Variants in PGM2 observed in about 807,000 individuals in gnomAD.
PGM2 encodes the protein phosphopentomutase.
In PGM2, 57 loss-of-function variants were observed where a neutral mutation model predicts 74.6. The ratio of observed to expected loss-of-function variants is 0.76; its 90% CI spans 0.62 to 0.95. The LOEUF (loss-of-function observed/expected upper bound fraction) is 0.95, where lower values mean the gene tolerates loss of function less well. Ranked by LOEUF, PGM2 falls within the 40% of genes least tolerant of loss-of-function variation. The probability of loss-of-function intolerance (pLI) is 0.00; values close to 1 mark genes in which losing one functional copy is unlikely to be tolerated. For missense variants in PGM2, 706 were observed against 741.9 expected (o/e 0.95, Z 0.56); for synonymous variants, 273 against 260.7 (o/e 1.05, Z -0.46).
intron 12 of PGM2, among the ~76,000 whole-genome samples, chr4:37,852,133 CTTTTTTT>C (rs778968323): frequency 6.3e-5 from 3 of 47,258 alleles, no homozygotes; most frequent in South Asian, 8.5e-4. Flanking sequence ...ATGCCCAGCT[CTTTTTTT>C]TTTTTTTTTT....
chr4:37,857,500 C>T (rs1711564889), intron 13 of PGM2, among the ~76,000 whole-genome samples: 1 of 152,108 alleles, frequency 6.6e-6, no homozygotes, highest in African/African-American at 2.4e-5. Flanking sequence ...AATATTAAAA[C>T]AAAACAAAAC....
At chr4:37,850,573 GGCAA>G (rs1726013526) in intron 12 of PGM2, among the ~76,000 whole-genome samples, 200 bp downstream of exon 12, 1 of 152,144 alleles carries the variant, frequency 6.6e-6, no homozygotes, top group African/African-American at 2.4e-5. Context: ...GGTTGAGGTG[GGCAA>G]ATCACTTGAG....
In PGM2 at chr4:37,850,166, T is replaced by C; in HGVS notation, c.1413-18T>C. 1 of 1,419,916 alleles carries C rather than the reference T, an allele frequency of 7.0e-7. No individual in the cohort carries two copies. The highest frequency in any genetic ancestry group is 1.3e-5 in the South Asian group (1 of 77,682). 88.0% of individuals were successfully genotyped at this position (1,419,916 alleles called of 1,614,324 possible). On this transcript the variant is annotated intron_variant, in intron 11 of 13. Transcript: ENST00000381967. Reference sequence around the variant, plus strand: ...ATTATTTGTTCCTCATGTGCATGAATTTGTATTTGTTTGATAGGTATGGCT... The same window carrying C: ...ATTATTTGTTCCTCATGTGCATGAACTTGTATTTGTTTGATAGGTATGGCT...
At position 37,848,503 on chromosome 4, in the gene PGM2, AT is replaced by A. The variant is rs1725938935; in HGVS notation, c.1283-18del. On this transcript the variant is annotated intron_variant, in intron 10 of 13. Coordinates refer to ENST00000381967, the MANE Select transcript of PGM2 (RefSeq NM_018290.4). Reference sequence around the variant, plus strand: ...GACACAGTATTGTATAGATGTATGTATGACGTGTGTTTCTGCAGGATACATG... The same window carrying A: ...GACACAGTATTGTATAGATGTATGTAGACGTGTGTTTCTGCAGGATACATG... 1.6e-5 allele frequency: 25 copies of A among 1,607,616 alleles called. No homozygotes were observed. Among genetic ancestry groups the A allele is most frequent in the Non-Finnish European group, 2.1e-5 (25 of 1,175,396 alleles).
intron 12 of PGM2, among the ~76,000 whole-genome samples, chr4:37,851,428 G>C (rs1726036365): frequency 6.6e-6 from 1 of 152,200 alleles, no homozygotes; most frequent in African/African-American, 2.4e-5. Context: ...ACACCAAGCA[G>C]ATCTTTCACT....
At chr4:37,828,895 G>C (rs1725365696) in intron 1 of PGM2, among the ~76,000 whole-genome samples, 1 of 152,152 alleles carries the variant, frequency 6.6e-6, no homozygotes, top group African/African-American at 2.4e-5. Flanking sequence ...AGCATCTGCT[G>C]TTTTTCACCA....
intron 3 of PGM2, among the ~76,000 whole-genome samples, chr4:37,836,861 G>GT (rs1233784329): frequency 1.2e-5 from 1 of 84,902 alleles, no homozygotes; most frequent in African/African-American, 5.5e-5. Flanking sequence ...ATATGTGTAT[G>GT]GGTGTGTGTG....
chr4:37,844,673 A>C (rs1725818438), intron 7 of PGM2, 120 bp downstream of exon 7: 3 of 675,710 alleles, frequency 4.4e-6, no homozygotes, highest in African/African-American at 3.6e-5. Context: ...TCAGCATGGA[A>C]ATATGTATGT....
chr4:37,855,181 A>G (rs148159794), intron 12 of PGM2, among the ~76,000 whole-genome samples: 373 of 152,158 alleles, frequency 2.5e-3, no homozygotes, highest in African/African-American at 8.2e-3. Flanking sequence ...CATCTCCCCA[A>G]ACTCCCCTCC....
rs1444741825 is a variant in PGM2, at chr4:37,862,304, A to G, written c.*692A>G. ...CATCTTTTTAAATCTTGAAAAACCA[A>G]TTGTTTACTTGAAACTTGAAAGTAG... On this transcript the variant is annotated 3_prime_UTR_variant, in exon 14 of 14. Coordinates refer to ENST00000381967, the MANE Select transcript of PGM2 (RefSeq NM_018290.4). 2.6e-5 allele frequency: 4 copies of G among 152,098 alleles called. No individual in the cohort carries two copies. The highest frequency in any genetic ancestry group is 1.3e-4 in the Admixed American group (2 of 15,252). 9.4% of individuals were successfully genotyped at this position (152,098 alleles called of 1,614,324 possible).
intron 11 of PGM2, among the ~76,000 whole-genome samples, chr4:37,848,870 G>A (rs1005289563): frequency 1.3e-5 from 2 of 152,128 alleles, no homozygotes; most frequent in African/African-American, 4.8e-5. Context: ...AGGAGTTCGA[G>A]ACCAGCCTGT....
chr4:37,850,772 C>G (rs747658482), intron 12 of PGM2, among the ~76,000 whole-genome samples: 1 of 152,086 alleles, frequency 6.6e-6, no homozygotes, highest in African/African-American at 2.4e-5. Context: ...AGGTGGATCA[C>G]TTGAGGTCAG....
In PGM2 at chr4:37,840,185, T is replaced by C; in HGVS notation, c.645T>C (p.Ser215=). The C allele has an allele frequency of 6.2e-7, 1 of 1,612,772 alleles. No individual in the cohort carries two copies. Among genetic ancestry groups the C allele is most frequent in the Non-Finnish European group, 8.5e-7 (1 of 1,178,746 alleles). Residue 215 remains serine, a synonymous_variant, in exon 6 of 14, where the codon AGT becomes AGC. Transcript: ENST00000381967. The stretch of plus-strand genomic sequence containing the variant: ...GGGACGATTCTTTAATTGATAGCAG[T>C]CCACTTCTCCACAATCCGAGTGCTT... ...QAWDDSLIDS[S]PLLHNPSASI... is the part of the protein sequence containing the mutation.
chr4:37,857,530 G>A (rs1245698836), intron 13 of PGM2, among the ~76,000 whole-genome samples: 1 of 152,116 alleles, frequency 6.6e-6, no homozygotes, highest in African/African-American at 2.4e-5. Context: ...TGGACACAAG[G>A]ACTTAGAAAG....
rs1711820590 is a variant in PGM2, at chr4:37,862,718, G to C, written c.*1106G>C. The C allele has an allele frequency of 2.0e-5, 3 of 151,898 alleles. No individual in the cohort carries two copies. Among genetic ancestry groups the C allele is most frequent in the Admixed American group, 2.0e-4 (3 of 15,214 alleles). The allele number at this position is 151,898 out of a possible 1,614,324, so 9.4% of individuals were successfully genotyped here. A position where few individuals can be genotyped will look rare whatever the true frequency, so the allele number is the denominator to read the frequency against. Reference sequence around the variant, plus strand: ...GATTACACTCAACCTAAATAGTTATGAACAGTTTCAGAACAATGAAAAATT... The same window carrying C: ...GATTACACTCAACCTAAATAGTTATCAACAGTTTCAGAACAATGAAAAATT... On this transcript the variant is annotated 3_prime_UTR_variant, in exon 14 of 14. Coordinates refer to ENST00000381967, the MANE Select transcript of PGM2 (RefSeq NM_018290.4).
At chr4:37,844,670 G>T (rs1313836446) in intron 7 of PGM2, 117 bp downstream of exon 7, 1 of 687,340 alleles carries the variant, frequency 1.5e-6, no homozygotes, top group African/African-American at 1.8e-5. Context: ...ATTTCAGCAT[G>T]GAAATATGTA....
At position 37,861,663 on chromosome 4, in the gene PGM2, T is replaced by C. The variant is rs1283082688; in HGVS notation, c.*51T>C. On this transcript the variant is annotated 3_prime_UTR_variant, in exon 14 of 14. Transcript: ENST00000381967. Reference sequence around the variant, plus strand: ...CATTTACCTACAATTAAGCTGGGTTTAACTTGTTAAGCAATATTTTTAAGG... The same window carrying C: ...CATTTACCTACAATTAAGCTGGGTTCAACTTGTTAAGCAATATTTTTAAGG... 8.6e-7 allele frequency: 1 copy of C among 1,164,178 alleles called. No homozygotes were observed. Among genetic ancestry groups the C allele is most frequent in the Admixed American group, 1.7e-5 (1 of 59,212 alleles). 72.1% of individuals were successfully genotyped at this position (1,164,178 alleles called of 1,614,324 possible). A position where few individuals can be genotyped will look rare whatever the true frequency, so the allele number is the denominator to read the frequency against.
chr4:37,839,778 A>G (rs1321158646), intron 4 of PGM2, 70 bp from the exon 5 acceptor site: 2 of 867,330 alleles, frequency 2.3e-6, no homozygotes, highest in Non-Finnish European at 3.9e-6. Flanking sequence ...ACAGTATAAA[A>G]TAGACATTTT....
At chr4:37,850,889 C>T (rs4832739) in intron 12 of PGM2, among the ~76,000 whole-genome samples, 5 of 151,148 alleles carry the variant, frequency 3.3e-5, no homozygotes, top group Non-Finnish European at 7.4e-5. Flanking sequence ...TACTCAGGAG[C>T]GTGAAGCAGG....
Sources: allele counts gnomAD v4.1 joint callset (sites outside exome capture counted in the v4.1 genomes callset), GRCh38; gene constraint gnomAD v4.1.1; transcripts MANE v1.5; gene names NCBI Gene and HGNC (gene_info 2026-07-23, HGNC 2026-07-21).